Variants in SDK2 observed in about 807,000 individuals in gnomAD.
The protein encoded by SDK2 is protein sidekick-2.
Under a neutral mutation model 253.9 loss-of-function variants are expected in SDK2, and 105 were observed. The ratio of observed to expected loss-of-function variants is 0.41; its 90% CI spans 0.35 to 0.49. SDK2 has a LOEUF of 0.49. SDK2 is among the 20% of genes least tolerant of loss of function. The probability of loss-of-function intolerance (pLI) is 0.06; values close to 1 mark genes in which losing one functional copy is unlikely to be tolerated. For missense variants in SDK2, 2,608 were observed against 3,003.0 expected (o/e 0.87, Z 3.07); for synonymous variants, 1,249 against 1,234.9 (o/e 1.01, Z -0.24).
intron 1 of SDK2, among the ~76,000 whole-genome samples, chr17:73,632,147 G>A (rs924214075): frequency 2.6e-5 from 4 of 152,260 alleles, no homozygotes; most frequent in African/African-American, 9.6e-5. Flanking sequence ...GATAGGCAGT[G>A]TGATGGTTAA....
intron 28 of SDK2, among the ~76,000 whole-genome samples, chr17:73,390,906 A>C (rs2062922830): frequency 6.6e-6 from 1 of 152,148 alleles, no homozygotes; most frequent in South Asian, 2.1e-4. Context: ...AGGACTGAGA[A>C]CCCTGGGACA....
At position 73,398,080 on chromosome 17, in the gene SDK2, C is replaced by T. The variant is rs561159742; in HGVS notation, c.3309G>A (p.Val1103=). ...TGGTCTCACTGGCTGTGCGCAGAGA[C>T]ACATTGGCTGGGGCCATGTCAGGGG... ...QAPPDMAPAN[V]SLRTASETSL... is the part of the protein sequence containing the mutation. The change falls in exon 24 of 45, where the codon GTG becomes GTA. Residue 1103 remains valine (V), a synonymous_variant. Transcript: ENST00000392650. 1 of 1,613,538 alleles carries T rather than the reference C, an allele frequency of 6.2e-7. No individual in the cohort carries two copies. Among genetic ancestry groups the T allele is most frequent in the Non-Finnish European group, 8.5e-7 (1 of 1,179,888 alleles).
intron 2 of SDK2, among the ~76,000 whole-genome samples, chr17:73,489,164 G>A (rs1222382578): frequency 1.3e-5 from 2 of 152,164 alleles, no homozygotes; most frequent in East Asian, 3.8e-4. Flanking sequence ...GTGTTTAGGT[G>A]AAAACGTTAC....
intron 1 of SDK2, among the ~76,000 whole-genome samples, chr17:73,601,065 G>C (rs1599716259): frequency 6.6e-6 from 1 of 151,638 alleles, no homozygotes; most frequent in East Asian, 1.9e-4. Flanking sequence ...TGTTGCCCGG[G>C]CTGGAGTGCA....
chr17:73,569,012 T>C (rs1348218746), intron 1 of SDK2, among the ~76,000 whole-genome samples: 1 of 152,184 alleles, frequency 6.6e-6, no homozygotes, highest in Non-Finnish European at 1.5e-5. Context: ...TTTACACTCA[T>C]AGTAACCACA....
chr17:73,401,444 C>T (rs995766253), intron 20 of SDK2, among the ~76,000 whole-genome samples: 16 of 152,182 alleles, frequency 1.1e-4, no homozygotes, highest in Non-Finnish European at 2.1e-4. Flanking sequence ...ATGGCAGCCA[C>T]TGAGATCTGT....
chr17:73,545,257 C>G (rs371832274), intron 1 of SDK2, among the ~76,000 whole-genome samples: 11 of 152,106 alleles, frequency 7.2e-5, no homozygotes, highest in Admixed American at 1.3e-4. Context: ...TGGACTCGCT[C>G]AACCCCGCCC....
chr17:73,489,327 T>G (rs2063789426), intron 2 of SDK2, among the ~76,000 whole-genome samples: 1 of 152,090 alleles, frequency 6.6e-6, no homozygotes, highest in South Asian at 2.1e-4. Context: ...CATCTCCAAA[T>G]CCCAGGGACC....
chr17:73,405,452 AAAC>A (rs1475613130), intron 18 of SDK2, among the ~76,000 whole-genome samples: 6 of 112,412 alleles, frequency 5.3e-5, no homozygotes, highest in Non-Finnish European at 7.3e-5. Flanking sequence ...AAAAAAAAAA[AAAC>A]AAACAAAAAA....
intron 1 of SDK2, among the ~76,000 whole-genome samples, chr17:73,529,484 G>A (rs1194154004): frequency 6.6e-6 from 1 of 152,170 alleles, no homozygotes; most frequent in African/African-American, 2.4e-5. Flanking sequence ...GCACTGGGTG[G>A]AGTAGCGTTC....
intron 1 of SDK2, among the ~76,000 whole-genome samples, chr17:73,508,512 T>C (rs924257183): frequency 6.6e-6 from 1 of 152,058 alleles, no homozygotes; most frequent in African/African-American, 2.4e-5. Flanking sequence ...TGCCTTTTTG[T>C]GGATAGGGTG....
intron 1 of SDK2, among the ~76,000 whole-genome samples, chr17:73,610,832 TGC>T (rs2045964749): frequency 6.6e-6 from 1 of 151,956 alleles, no homozygotes; most frequent in Non-Finnish European, 1.5e-5. Context: ...ATGTGTGGTG[TGC>T]GTGTGCGTGT....
At chr17:73,510,686 G>A (rs530135333) in intron 1 of SDK2, among the ~76,000 whole-genome samples, 1 of 152,194 alleles carries the variant, frequency 6.6e-6, no homozygotes, top group South Asian at 2.1e-4. Flanking sequence ...TAGAGATGGG[G>A]TTTCACCATG....
At chr17:73,409,103 G>A (rs542650712) in intron 18 of SDK2, among the ~76,000 whole-genome samples, 1 of 152,306 alleles carries the variant, frequency 6.6e-6, no homozygotes, top group African/African-American at 2.4e-5. Flanking sequence ...CTGGGAGTTG[G>A]GCATTGTTAA....
intron 40 of SDK2, 108 bp downstream of exon 40, chr17:73,357,971 C>T (rs1312935297): frequency 1.3e-6 from 2 of 1,537,904 alleles, no homozygotes; most frequent in South Asian, 1.1e-5. Flanking sequence ...TGTAGTAGCA[C>T]AAGCGCCTTC....
Position 73,550,859 on chromosome 17 carries a change from C to T in SDK2, c.65-43262G>A, listed in dbSNP as rs1386917871. ...GAAGTGAGGTTGCTGGATCCCAGGG[C>T]GAGTCACCCGTCCACAGGGAGCTGG... On this transcript the variant is annotated intron_variant, in intron 1 of 44. Transcript: ENST00000392650. Among the ~76,000 whole-genome samples the T allele has an allele frequency of 3.3e-5, 5 of 152,088 alleles. No individual in the cohort carries two copies. In the East Asian group the frequency reaches 7.7e-4, roughly 24 times the overall value.
intron 1 of SDK2, among the ~76,000 whole-genome samples, chr17:73,593,442 G>A (rs1374683521): frequency 6.6e-6 from 1 of 152,164 alleles, no homozygotes; most frequent in Non-Finnish European, 1.5e-5. Context: ...GGTGTGGGGG[G>A]CTTCCCCCAG....
At chr17:73,391,064 T>G (rs1405987131) in intron 28 of SDK2, among the ~76,000 whole-genome samples, 1 of 152,240 alleles carries the variant, frequency 6.6e-6, no homozygotes, top group East Asian at 1.9e-4. Context: ...GCTTCCCATC[T>G]GTAGCCTCCC....
Position 73,398,311 on chromosome 17 carries a change from T to C in SDK2, c.3203+9A>G, listed in dbSNP as rs746293278. 8 of 1,612,762 alleles carry C rather than the reference T, an allele frequency of 5.0e-6. No individual in the cohort carries two copies. The highest frequency in any genetic ancestry group is 1.3e-5 in the African/African-American group (1 of 74,878). ...GGCTGCTGCCTTCTCCCCGGGCCAG[T>C]CTCATTACCTGTAGCAGGTGAAGGG... On this transcript the variant is annotated intron_variant, in intron 23 of 44. Transcript: ENST00000392650.
Sources: gnomAD v4.1 joint callset for allele counts (sites outside exome capture counted in the v4.1 genomes callset) on GRCh38, gnomAD v4.1.1 for gene constraint, MANE v1.5 for transcripts, NCBI Gene and HGNC (gene_info 2026-07-23, HGNC 2026-07-21) for gene names.